Variants in TMED3 observed in about 807,000 individuals in gnomAD.
TMED3 encodes transmembrane emp24 domain-containing protein 3.
TMED3 carries 9 observed loss-of-function variants against 15.0 expected under a neutral mutation model. The ratio of observed to expected loss-of-function variants is 0.60; its 90% CI spans 0.36 to 1.04. The LOEUF is 1.04. TMED3 is among the 50% of genes least tolerant of loss of function. The pLI is 0.01. For missense variants in TMED3, 267 were observed against 278.9 expected, an observed-to-expected ratio of 0.96 and a Z score of 0.30; for synonymous variants, 117 against 121.4, an observed-to-expected ratio of 0.96 and a Z score of 0.24.
chr15:79,316,766 C>T (rs1412195405), intron 2 of TMED3, among the ~76,000 whole-genome samples: 1 of 152,128 alleles, frequency 6.6e-6, no homozygotes, highest in Non-Finnish European at 1.5e-5. Context: ...GTGGTCTTAG[C>T]AGGGCGGAAG....
chr15:79,405,388 T>G (rs551610581), intron 2 of TMED3, among the ~76,000 whole-genome samples: 112 of 152,298 alleles, frequency 7.4e-4, no homozygotes, highest in Non-Finnish European at 5.6e-4. Flanking sequence ...TAAATTGGTG[T>G]GAATGCCAGC....
intron 2 of TMED3, among the ~76,000 whole-genome samples, chr15:79,357,839 T>C (rs1382834421): frequency 9.9e-5 from 15 of 152,178 alleles, no homozygotes; most frequent in Admixed American, 9.8e-4. Context: ...AGCTTTCCCA[T>C]CTGGGAAGTT....
At position 79,370,256 on chromosome 15, in the gene TMED3, ATTTTTT is replaced by A. The variant is rs398028085; in HGVS notation, c.418-41124_418-41119del. On this transcript the variant is annotated intron_variant, in intron 2 of 2. Transcript: ENST00000424155. ...AGGCATGGGCCACCATGCCCAGCTA[ATTTTTT>A]TTTTTTTTTTTTTTTTTTTGTATTT... Among the ~76,000 whole-genome samples, 17 of 104,940 alleles carry A rather than the reference ATTTTTT, an allele frequency of 1.6e-4. No individual in the cohort carries two copies. In the East Asian group the frequency reaches 1.7e-3, roughly 10 times the overall value. 68.8% of individuals were successfully genotyped at this position (104,940 alleles called of 152,430 possible). A position where few individuals can be genotyped will look rare whatever the true frequency, so the allele number is the denominator to read the frequency against.
chr15:79,365,506 G>C (rs1406494456), intron 2 of TMED3, among the ~76,000 whole-genome samples: 1 of 152,214 alleles, frequency 6.6e-6, no homozygotes, highest in Non-Finnish European at 1.5e-5. Context: ...AGGTGATTTT[G>C]AGGGCTTCAA....
chr15:79,326,703 C>T (rs1410553866), downstream of TMED3, among the ~76,000 whole-genome samples: 2 of 152,166 alleles, frequency 1.3e-5, no homozygotes, highest in Non-Finnish European at 2.9e-5. Flanking sequence ...TGAAATTCTT[C>T]CCCACAAGGT....
intron 2 of TMED3, among the ~76,000 whole-genome samples, chr15:79,350,418 C>T (rs1175331742): frequency 1.3e-5 from 2 of 152,164 alleles, no homozygotes; most frequent in African/African-American, 4.8e-5. Flanking sequence ...AGCCTTCAGT[C>T]TATGTCTGAA....
Position 79,311,120 on chromosome 15 carries a change from A to G in TMED3, c.-130A>G. ...CGCACTGAGCCGCCGGCCCTCCCGG[A>G]AGCGCAGAGCTCCGCTGGTGCCACG... is the stretch of plus-strand genomic sequence containing the variant. On this transcript the variant is annotated 5_prime_UTR_variant, in exon 1 of 3. Transcript: ENST00000299705. 13 of 1,001,754 alleles carry G rather than the reference A, an allele frequency of 1.3e-5. No individual in the cohort carries two copies. The highest frequency in any genetic ancestry group is 9.5e-6 in the Non-Finnish European group (7 of 739,944). 62.1% of individuals were successfully genotyped at this position (1,001,754 alleles called of 1,614,324 possible).
At chr15:79,333,953 A>C (rs2058818663) in intron 2 of TMED3, among the ~76,000 whole-genome samples, 2 of 152,200 alleles carry the variant, frequency 1.3e-5, no homozygotes, top group South Asian at 4.1e-4. Flanking sequence ...GGGAAAACAT[A>C]TCCTCCTAAG....
rs1162546301 is a variant in TMED3, at chr15:79,311,272, C to T, written c.23C>T (p.Ser8Phe). ...ATCATGGGCAGCACTGTCCCGCGCT[C>T]CGCCTCCGTGCTGCTTCTGCTGCTG... MGSTVPR[S>F]ASVLLLLLLL... is the part of the protein sequence containing the mutation. The change falls in exon 1 of 3, where the codon TCC (serine) becomes TTC (phenylalanine). Residue 8 changes from serine to phenylalanine, a missense_variant. Physicochemically the swap from Ser to Phe is radical, Grantham distance 155. Coordinates refer to ENST00000299705, the MANE Select transcript of TMED3 (RefSeq NM_007364.4). The T allele has an allele frequency of 1.2e-6, 2 of 1,604,412 alleles. No individual in the cohort carries two copies. The highest frequency in any genetic ancestry group is 2.3e-5 in the East Asian group (1 of 44,368).
At chr15:79,323,113 G>A (rs766355650), downstream of TMED3, among the ~76,000 whole-genome samples, 29 of 152,184 alleles carry the variant, frequency 1.9e-4, no homozygotes, top group Middle Eastern at 3.2e-3. Flanking sequence ...ATATCTGCAT[G>A]CCCTGCTCCA....
chr15:79,404,275 C>T (rs1208387205), intron 2 of TMED3, among the ~76,000 whole-genome samples: 1 of 152,206 alleles, frequency 6.6e-6, no homozygotes, highest in African/African-American at 2.4e-5. Flanking sequence ...CACCACATGG[C>T]TGGTTGGTCT....
In TMED3 at chr15:79,345,304, C is replaced by A. The variant is rs183890839; in HGVS notation, c.417+31299C>A. Among the ~76,000 whole-genome samples the A allele has an allele frequency of 1.8e-3, 273 of 152,206 alleles. 4 individuals are homozygous for A. Among genetic ancestry groups the A allele is most frequent in the African/African-American group, 6.4e-3 (264 of 41,540 alleles). On this transcript the variant is annotated intron_variant, in intron 2 of 2. Transcript: ENST00000424155. ...TTTTCCTGATCCTCTCCCTTCCCAC[C>A]CTTCACCCTCTGATAGGCCATAGTG...
At chr15:79,382,894 A>G in intron 2 of TMED3, 1 of 1,411,204 alleles carries the variant, frequency 7.1e-7, no homozygotes, top group Non-Finnish European at 9.7e-7. Flanking sequence ...TGTTCTTACC[A>G]ACACAATATA....
chr15:79,405,091 G>C lies in TMED3; in HGVS notation c.418-6309G>C, dbSNP rs565634499. On this transcript the variant is annotated intron_variant, in intron 2 of 2. Coordinates refer to the TMED3 transcript ENST00000424155. ...TATACAATGTTCAGCATGACTTAGTGCATCTGAAAAATATCAGTTCATAAT... is the reference window on the plus strand; with the variant it reads ...TATACAATGTTCAGCATGACTTAGTCCATCTGAAAAATATCAGTTCATAAT... Among the ~76,000 whole-genome samples, 3 of 152,296 alleles carry C rather than the reference G, an allele frequency of 2.0e-5. No homozygotes were observed. In the East Asian group the frequency reaches 5.8e-4, roughly 29 times the overall value.
intron 2 of TMED3, among the ~76,000 whole-genome samples, chr15:79,403,904 G>A (rs541264104): frequency 1.4e-4 from 21 of 152,198 alleles, no homozygotes; most frequent in Non-Finnish European, 2.2e-4. Flanking sequence ...CACTATACCC[G>A]GCATGACCCT....
At chr15:79,409,090 T>C (rs192030583) in intron 2 of TMED3, among the ~76,000 whole-genome samples, 1 of 152,350 alleles carries the variant, frequency 6.6e-6, no homozygotes, top group Admixed American at 6.5e-5. Context: ...CTGAAGCCTA[T>C]AACCTGCATT....
chr15:79,347,438 A>G (rs2058875080), intron 2 of TMED3, among the ~76,000 whole-genome samples: 1 of 152,236 alleles, frequency 6.6e-6, no homozygotes, highest in African/African-American at 2.4e-5. Context: ...CTTAATGGGC[A>G]GAAGATGGAA....
At chr15:79,353,246 C>CTATATATAATATATATTATATATAA (rs1453935506) in intron 2 of TMED3, among the ~76,000 whole-genome samples, 2 of 39,910 alleles carry the variant, frequency 5.0e-5, no homozygotes, top group Admixed American at 4.6e-4. Context: ...AATATATATA[C>CTATATATAATATATATTATATATAA]TATATATAAT....
intron 2 of TMED3, among the ~76,000 whole-genome samples, chr15:79,370,256 A>ATTTTTTTTTT (rs398028085): frequency 3.5e-3 from 372 of 104,888 alleles, no homozygotes; most frequent in Middle Eastern, 0.013. Context: ...TGCCCAGCTA[A>ATTTTTTTTTT]TTTTTTTTTT....
Sources: gnomAD v4.1 joint callset for allele counts (sites outside exome capture counted in the v4.1 genomes callset) on GRCh38, gnomAD v4.1.1 for gene constraint, MANE v1.5 for transcripts, NCBI Gene and HGNC (gene_info 2026-07-23, HGNC 2026-07-21) for gene names.